The following ATRN variants were observed in gnomAD, a reference collection of about 807,000 sequenced individuals.
ATRN encodes the protein attractin, also known as attractin-2.
ATRN carries 54 observed loss-of-function variants against 178.7 expected under a neutral mutation model. The observed-to-expected ratio is 0.30, with a 90% CI of 0.24 to 0.38. The LOEUF is 0.38. Among genes scored for constraint, ATRN ranks in the 10% least tolerant of loss-of-function variants. The pLI is 1.00. For missense variants in ATRN, 1,443 were observed against 1,815.1 expected (o/e 0.79, Z 3.73); for synonymous variants, 636 against 663.0 (o/e 0.96, Z 0.63).
chr20:3,606,968 T>C (rs567667470), intron 24 of ATRN, among the ~76,000 whole-genome samples: 78 of 152,336 alleles, frequency 5.1e-4, no homozygotes, highest in Admixed American at 1.2e-3. Flanking sequence ...TCCTAGTGTC[T>C]TATTTGTGGA....
intron 1 of ATRN, among the ~76,000 whole-genome samples, chr20:3,508,062 A>G (rs1295545515): frequency 6.6e-6 from 1 of 151,948 alleles, no homozygotes; most frequent in Non-Finnish European, 1.5e-5. Flanking sequence ...CACAAGCAAG[A>G]AAAAGGCTGG....
Position 3,583,533 on chromosome 20 carries a change from G to A in ATRN, c.2765-365G>A, listed in dbSNP as rs1205226581. On this transcript the variant is annotated intron_variant, in intron 16 of 28. Coordinates refer to ENST00000262919, the MANE Select transcript of ATRN (RefSeq NM_139321.3). ...CCCACATTTGAAAAGTCTTGGCTGG[G>A]CACAGTGGCTCACGCCTGTAATCCC... is the stretch of plus-strand genomic sequence containing the variant. 2.0e-5 allele frequency among the ~76,000 whole-genome samples: 3 copies of A among 152,180 alleles called. No individual in the cohort carries two copies. In the East Asian group the frequency reaches 5.8e-4, roughly 29 times the overall value.
Position 3,647,494 on chromosome 20 carries a change from G to A in ATRN, c.*647G>A, listed in dbSNP as rs117522062. 1,768 of 152,550 alleles carry A rather than the reference G, an allele frequency of 0.012. 18 individuals carry two copies. The highest frequency in any genetic ancestry group is 0.034 in the Middle Eastern group (10 of 294). The allele number at this position is 152,550 out of a possible 1,614,324, so 9.4% of individuals were successfully genotyped here. A position where few individuals can be genotyped will look rare whatever the true frequency, so the allele number is the denominator to read the frequency against. Reference sequence around the variant, plus strand: ...CTTTGAATGTAAACTGGTATAATAGGTAGTTTTCTATAGTAACTTGATTAA... The same window carrying A: ...CTTTGAATGTAAACTGGTATAATAGATAGTTTTCTATAGTAACTTGATTAA... On this transcript the variant is annotated 3_prime_UTR_variant, in exon 29 of 29. Coordinates refer to ENST00000262919, the MANE Select transcript of ATRN (RefSeq NM_139321.3).
At chr20:3,619,443 A>G (rs1484334495) in intron 24 of ATRN, among the ~76,000 whole-genome samples, 1 of 152,232 alleles carries the variant, frequency 6.6e-6, no homozygotes, top group African/African-American at 2.4e-5. Flanking sequence ...CCAGAGGCCA[A>G]TGAAAGGTCC....
chr20:3,553,478 A>G (rs547851260), intron 6 of ATRN, among the ~76,000 whole-genome samples: 7 of 152,240 alleles, frequency 4.6e-5, no homozygotes, highest in Admixed American at 2.6e-4. Flanking sequence ...ATTTATTCCT[A>G]TTAATCAAAT....
chr20:3,597,071 T>TATATATATATATATATATATATATCA, intron 21 of ATRN, among the ~76,000 whole-genome samples: 1 of 134,032 alleles, frequency 7.5e-6, no homozygotes, highest in East Asian at 2.3e-4. Flanking sequence ...TATATATATA[T>TATATATATATATATATATATATATCA]ATAAAACTTC....
intron 4 of ATRN, 36 bp downstream of exon 4, chr20:3,545,926 C>T (rs905038054): frequency 6.9e-6 from 11 of 1,599,576 alleles, no homozygotes; most frequent in Non-Finnish European, 8.6e-6. Flanking sequence ...TGATTTCATT[C>T]AGGAGACTAT....
At chr20:3,508,586 T>A (rs529670249) in intron 1 of ATRN, among the ~76,000 whole-genome samples, 65 of 152,298 alleles carry the variant, frequency 4.3e-4, no homozygotes, top group Admixed American at 7.2e-4. Flanking sequence ...CTAAAGATAT[T>A]TTCAGATGAA....
chr20:3,583,787 A>T, intron 16 of ATRN, 111 bp from the exon 17 acceptor site: 1 of 1,127,360 alleles, frequency 8.9e-7, no homozygotes, highest in Non-Finnish European at 1.3e-6. Flanking sequence ...TAGCCTGGAG[A>T]CAGAGTGAGA....
At chr20:3,525,137 A>G (rs959222839) in intron 1 of ATRN, among the ~76,000 whole-genome samples, 3 of 151,662 alleles carry the variant, frequency 2.0e-5, no homozygotes, top group Non-Finnish European at 3.0e-5. Context: ...AAAGATTAAG[A>G]AAATAGACTG....
rs772952289 is a variant in ATRN, at chr20:3,584,894, C to T, written c.3184+14C>T. 2 of 1,608,224 alleles carry T rather than the reference C, an allele frequency of 1.2e-6. No homozygotes were observed. The highest frequency in any genetic ancestry group is 1.3e-5 in the African/African-American group (1 of 74,792). ...TTCACTGTCCAGGTAAGATGCCTTG[C>T]ATATCCAAATTCAAGTGTTTCACTA... On this transcript the variant is annotated intron_variant, in intron 18 of 28. Coordinates refer to ENST00000262919, the MANE Select transcript of ATRN (RefSeq NM_139321.3).
intron 1 of ATRN, among the ~76,000 whole-genome samples, chr20:3,480,602 A>G (rs2084605477): frequency 6.6e-6 from 1 of 152,308 alleles, no homozygotes; most frequent in South Asian, 2.1e-4. Context: ...TTCCTAACAT[A>G]CAGAGGGAGG....
rs531920369 is a variant in ATRN at position 3,594,060 on chromosome 20, C to T, written c.3323-419C>T. 2.8e-4 allele frequency among the ~76,000 whole-genome samples: 42 copies of T among 152,290 alleles called. No individual in the cohort carries two copies. The East Asian group carries it at 7.9e-3, about 29-fold the overall frequency. On this transcript the variant is annotated intron_variant, in intron 19 of 28. Coordinates refer to ENST00000262919, the MANE Select transcript of ATRN (RefSeq NM_139321.3). ...GAGAAGGCACCTCAGCCAAGACCAG[C>T]CCTCCTTCAGAGGACAGTCACCTCC...
intron 5 of ATRN, 47 bp from the exon 6 acceptor site, chr20:3,549,123 G>A (rs1383428085): frequency 6.8e-7 from 1 of 1,479,070 alleles, no homozygotes; most frequent in Non-Finnish European, 9.1e-7. Flanking sequence ...AATGCAGTAA[G>A]CTTTAAAGCT....
intron 22 of ATRN, among the ~76,000 whole-genome samples, chr20:3,598,845 T>C (rs2086567577): frequency 6.6e-6 from 1 of 152,208 alleles, no homozygotes; most frequent in African/African-American, 2.4e-5. Flanking sequence ...CACAAAGCCA[T>C]TTACCATTAC....
In ATRN at chr20:3,493,387, T is replaced by C. The variant is rs1450685763; in HGVS notation, c.410+21870T>C. Among the ~76,000 whole-genome samples the C allele has an allele frequency of 2.6e-5, 4 of 151,662 alleles. No homozygotes were observed. The East Asian group carries it at 7.7e-4, about 29-fold the overall frequency. On this transcript the variant is annotated intron_variant, in intron 1 of 28. Coordinates refer to ENST00000262919, the MANE Select transcript of ATRN (RefSeq NM_139321.3). ...GATGCCTAGGCTAGTTTTGAACTAC[T>C]AGCCTCAAGCGATCCATCTGCATCG... is the stretch of plus-strand genomic sequence containing the variant.
At chr20:3,503,248 CTG>C (rs1224079896) in intron 1 of ATRN, among the ~76,000 whole-genome samples, 1 of 152,118 alleles carries the variant, frequency 6.6e-6, no homozygotes, top group Non-Finnish European at 1.5e-5. Context: ...GGGTGGCTAA[CTG>C]TTAAAAGATT....
intron 1 of ATRN, among the ~76,000 whole-genome samples, chr20:3,473,680 C>A (rs921314167): frequency 6.6e-6 from 1 of 152,126 alleles, no homozygotes; most frequent in Non-Finnish European, 1.5e-5. Context: ...TTGAGTCAGA[C>A]GAGGATCCTT....
intron 25 of ATRN, among the ~76,000 whole-genome samples, chr20:3,630,572 A>G (rs919344359): frequency 6.6e-6 from 1 of 152,208 alleles, no homozygotes; most frequent in Non-Finnish European, 1.5e-5. Context: ...TGTGTATGGA[A>G]TAAGATGGCC....
Sources: allele counts gnomAD v4.1 joint callset (sites outside exome capture counted in the v4.1 genomes callset), GRCh38; gene constraint gnomAD v4.1.1; transcripts MANE v1.5; gene names NCBI Gene and HGNC (gene_info 2026-07-23, HGNC 2026-07-21).